Variants in SHISA9 observed in about 807,000 individuals in gnomAD.
SHISA9 encodes protein shisa-9.
SHISA9 carries 13 observed loss-of-function variants against 38.0 expected under a neutral mutation model. The observed-to-expected ratio is 0.34, with a 90% CI of 0.22 to 0.54. SHISA9 has a LOEUF of 0.54. SHISA9 is among the 20% of genes least tolerant of loss of function. The pLI is 0.91. For synonymous variants in SHISA9, 275 were observed against 242.0 expected, an observed-to-expected ratio of 1.14 and a Z score of -1.27; for missense variants, 538 against 575.8, an observed-to-expected ratio of 0.93 and a Z score of 0.67.
At chr16:13,062,909 G>A (rs276625) in intron 2 of SHISA9, among the ~76,000 whole-genome samples, 15,586 of 152,078 alleles carry the variant, frequency 0.1, 836 homozygotes, top group South Asian at 0.16. Context: ...CCTGGCTCCC[G>A]AGGGAGAGAC....
rs146397654 is a variant in SHISA9, at chr16:13,126,109, A to G, written c.692-77285A>G. On this transcript the variant is annotated intron_variant, in intron 2 of 4. Coordinates refer to ENST00000558583, the MANE Select transcript of SHISA9 (RefSeq NM_001145204.3). ...GCAATCCCTTAGTTTCTTATAGCCT[A>G]TTGGAAACTCAGTGGTATATGGAGG... is the stretch of plus-strand genomic sequence containing the variant. Among the ~76,000 whole-genome samples, 1,285 of 152,318 alleles carry G rather than the reference A, an allele frequency of 8.4e-3. 12 individuals carry two copies. The highest frequency in any genetic ancestry group is 0.02 in the Middle Eastern group (6 of 294).
intron 2 of SHISA9, among the ~76,000 whole-genome samples, chr16:13,007,574 G>C (rs2072614774): frequency 6.6e-6 from 1 of 152,120 alleles, no homozygotes; most frequent in Non-Finnish European, 1.5e-5. Flanking sequence ...AAAAGCCTGA[G>C]GGCCTCCCAT....
At chr16:13,199,943 G>A (rs1170656203) in intron 2 of SHISA9, among the ~76,000 whole-genome samples, 1 of 152,168 alleles carries the variant, frequency 6.6e-6, no homozygotes, top group African/African-American at 2.4e-5. Flanking sequence ...GGCCACTGGA[G>A]CTAGCTTTGC....
chr16:13,401,446 C>T, the SHISA9 span, among the ~76,000 whole-genome samples: 5 of 152,190 alleles, frequency 3.3e-5, no homozygotes, highest in Admixed American at 3.3e-4. Flanking sequence ...CTGCTATGGG[C>T]TAAATGTCTG....
chr16:13,290,199 C>A, the SHISA9 span, among the ~76,000 whole-genome samples: 1 of 152,004 alleles, frequency 6.6e-6, no homozygotes, highest in African/African-American at 2.4e-5. Context: ...GTACATGTAG[C>A]AATAATGTTG....
intron 2 of SHISA9, among the ~76,000 whole-genome samples, chr16:12,967,461 A>G (rs2141802492): frequency 6.6e-6 from 1 of 152,276 alleles, no homozygotes; most frequent in Admixed American, 6.5e-5. Flanking sequence ...CTAATGCTAA[A>G]TGACGAGTTA....
At chr16:12,999,697 C>A (rs1473387773) in intron 2 of SHISA9, among the ~76,000 whole-genome samples, 1 of 152,132 alleles carries the variant, frequency 6.6e-6, no homozygotes, top group African/African-American at 2.4e-5. Flanking sequence ...CCTATGGCAC[C>A]AGGGTGAGTT....
intron 2 of SHISA9, among the ~76,000 whole-genome samples, chr16:13,051,301 G>A (rs982982492): frequency 1.3e-5 from 2 of 152,172 alleles, no homozygotes; most frequent in African/African-American, 4.8e-5. Flanking sequence ...ATTTATAAAA[G>A]CATCAGATCT....
chr16:13,318,653 A>G, the SHISA9 span, among the ~76,000 whole-genome samples: 1 of 152,140 alleles, frequency 6.6e-6, no homozygotes, highest in Non-Finnish European at 1.5e-5. Context: ...CTTGGGGTGC[A>G]ATGTTGCTCC....
chr16:12,993,702 A>G (rs2072419903), intron 2 of SHISA9, among the ~76,000 whole-genome samples: 1 of 152,230 alleles, frequency 6.6e-6, no homozygotes, highest in African/African-American at 2.4e-5. Context: ...GTACCCACTT[A>G]TAATTTCAAT....
chr16:13,467,976 C>T, the SHISA9 span, among the ~76,000 whole-genome samples: 3 of 152,278 alleles, frequency 2.0e-5, no homozygotes, highest in South Asian at 6.2e-4. Flanking sequence ...TGTTTTATCT[C>T]CTTTCAAAAG....
At chr16:13,554,553 TC>T in the SHISA9 span, among the ~76,000 whole-genome samples, 1 of 150,144 alleles carries the variant, frequency 6.7e-6, no homozygotes, top group African/African-American at 2.5e-5. Context: ...GTACAGTAGT[TC>T]AATCTTGTCT....
intron 2 of SHISA9, among the ~76,000 whole-genome samples, chr16:13,123,227 C>T (rs996155796): frequency 4.6e-5 from 7 of 152,212 alleles, no homozygotes; most frequent in African/African-American, 1.7e-4. Flanking sequence ...TAAATGGATA[C>T]ATTAGAATAT....
At chr16:13,428,453 A>G in the SHISA9 span, among the ~76,000 whole-genome samples, 1 of 152,224 alleles carries the variant, frequency 6.6e-6, no homozygotes, top group Non-Finnish European at 1.5e-5. Flanking sequence ...ATTGGGTTTT[A>G]TAGACACAAA....
intron 2 of SHISA9, among the ~76,000 whole-genome samples, chr16:12,987,025 G>A (rs1278314974): frequency 6.6e-6 from 1 of 152,172 alleles, no homozygotes; most frequent in Non-Finnish European, 1.5e-5. Context: ...GACAGGGACT[G>A]TTTCCTGGTC....
At chr16:13,187,991 C>T (rs1375993117) in intron 2 of SHISA9, among the ~76,000 whole-genome samples, 1 of 152,152 alleles carries the variant, frequency 6.6e-6, no homozygotes, top group Non-Finnish European at 1.5e-5. Context: ...TTTCATCCTC[C>T]AACCGTGGGG....
chr16:13,350,940 C>A, the SHISA9 span, among the ~76,000 whole-genome samples: 1 of 152,242 alleles, frequency 6.6e-6, no homozygotes, highest in Non-Finnish European at 1.5e-5. Flanking sequence ...ATGAAGCCCG[C>A]AATATTTTCT....
the SHISA9 span, among the ~76,000 whole-genome samples, chr16:13,486,949 C>G: frequency 6.6e-6 from 1 of 152,220 alleles, no homozygotes; most frequent in Non-Finnish European, 1.5e-5. Flanking sequence ...GGTGATCCAC[C>G]TGCCTTGGCC....
chr16:13,047,765 C>T (rs2073204270), intron 2 of SHISA9, among the ~76,000 whole-genome samples: 1 of 152,162 alleles, frequency 6.6e-6, no homozygotes, highest in Admixed American at 6.5e-5. Flanking sequence ...ACCCTATGGG[C>T]TTATTGCTAT....
Sources: allele counts gnomAD v4.1 joint callset (sites outside exome capture counted in the v4.1 genomes callset), GRCh38; gene constraint gnomAD v4.1.1; transcripts MANE v1.5; gene names NCBI Gene and HGNC (gene_info 2026-07-23, HGNC 2026-07-21).